Variants in TKT observed in about 807,000 individuals in gnomAD.
The protein encoded by TKT is epididymis luminal protein 107.
A neutral mutation model predicts 63.9 loss-of-function variants in TKT; 47 were observed. That is an observed-to-expected ratio of 0.74 (90% CI 0.58 to 0.94). TKT has a LOEUF of 0.94. Ranked by LOEUF, TKT falls within the 40% of genes least tolerant of loss-of-function variation. The pLI is 0.00. For synonymous variants in TKT, 338 were observed against 334.1 expected, an observed-to-expected ratio of 1.01 and a Z score of -0.13; for missense variants, 721 against 846.2, an observed-to-expected ratio of 0.85 and a Z score of 1.84.
chr3:53,242,371 C>T (rs1705320831), intron 1 of TKT, 129 bp from the exon 2 acceptor site: 3 of 868,096 alleles, frequency 3.5e-6, no homozygotes, highest in Non-Finnish European at 5.6e-6. Context: ...ATCAGACAGC[C>T]ACGAGCTCTT....
chr3:53,228,026 T>C (rs1553675944), intron 12 of TKT, 30 bp downstream of exon 12: 2 of 1,603,234 alleles, frequency 1.2e-6, no homozygotes, highest in Admixed American at 3.3e-5. Flanking sequence ...GGCCGCTCAG[T>C]TGATGACTTT....
chr3:53,227,915 T>C (rs7612011), intron 12 of TKT, 141 bp downstream of exon 12: 138,252 of 727,738 alleles, frequency 0.19, 14,235 homozygotes, highest in South Asian at 0.29. Flanking sequence ...CTATAATTGC[T>C]ATCATTATTT....
rs782016627 is a variant in TKT at position 53,229,113 on chromosome 3, G to C, written c.1289C>G (p.Ala430Gly). 1.7e-5 allele frequency: 28 copies of C among 1,614,034 alleles called. No homozygotes were observed. The highest frequency in any genetic ancestry group is 8.5e-6 in the Non-Finnish European group (10 of 1,180,026). Residue 430 changes from alanine to glycine, a missense_variant, in exon 10 of 14, where the codon GCC (alanine) becomes GGC (glycine). Coordinates refer to ENST00000462138, the MANE Select transcript of TKT (RefSeq NM_001064.4). The part of the protein sequence containing the change: ...SIGEDGPSQM[A>G]LEDLAMFRSV... ...CCGAAACATAGCCAGATCTTCTAGG[G>C]CCATCTGGGAGGGCCCGTCTTCCCC...
At chr3:53,252,151 G>T (rs919261807) in intron 1 of TKT, among the ~76,000 whole-genome samples, 1 of 152,124 alleles carries the variant, frequency 6.6e-6, no homozygotes, top group African/African-American at 2.4e-5. Flanking sequence ...AAAAGAAAAA[G>T]AACTGGATCA....
At chr3:53,242,504 G>A (rs1227837014) in intron 1 of TKT, among the ~76,000 whole-genome samples, 2 of 152,122 alleles carry the variant, frequency 1.3e-5, no homozygotes, top group Non-Finnish European at 2.9e-5. Context: ...TCAGAATCAC[G>A]GCAACTGAAA....
intron 2 of TKT, among the ~76,000 whole-genome samples, chr3:53,241,501 A>C (rs1553679863): frequency 2.0e-5 from 3 of 152,356 alleles, no homozygotes; most frequent in African/African-American, 4.8e-5. Flanking sequence ...GGCTGGACGA[A>C]GCCAAAACCC....
At position 53,240,406 on chromosome 3, in the gene TKT, G is replaced by A. The variant is rs566693295; in HGVS notation, c.340-58C>T. 190 of 1,514,628 alleles carry A rather than the reference G, an allele frequency of 1.3e-4. 1 individual carries two copies. The South Asian group carries it at 1.3e-3, about 11-fold the overall frequency. 93.8% of individuals were successfully genotyped at this position (1,514,628 alleles called of 1,614,324 possible). On this transcript the variant is annotated intron_variant, in intron 3 of 13. Transcript: ENST00000462138. ...AGGAGAAGGGATCCTGGTCTCACCC[G>A]CCTAGGGAGCCACACTCCCACCCAG...
chr3:53,231,417 G>A lies in TKT; in HGVS notation c.882C>T (p.Pro294=), dbSNP rs782656866. The change falls in exon 7 of 14, where the codon CCC becomes CCT. Residue 294 remains proline, a synonymous_variant. Coordinates refer to ENST00000462138, the MANE Select transcript of TKT (RefSeq NM_001064.4). ...ILATPPQEDA[P]SVDIANIRMP... ...TGCGGATGTTGGCAATGTCCACTGA[G>A]GGTGCGTCCTCCTGTGGAGGGGTTG... 1.2e-6 allele frequency: 2 copies of A among 1,614,004 alleles called. No homozygotes were observed. Among genetic ancestry groups the A allele is most frequent in the Non-Finnish European group, 1.7e-6 (2 of 1,180,040 alleles).
intron 1 of TKT, among the ~76,000 whole-genome samples, chr3:53,255,130 C>G (rs1219739530): frequency 6.6e-6 from 1 of 152,234 alleles, no homozygotes; most frequent in African/African-American, 2.4e-5. Context: ...CACGTGCCAC[C>G]GCCCTCCTCC....
In TKT at chr3:53,231,549, C is replaced by A. The variant is rs1553677098; in HGVS notation, c.750G>T (p.Gly250=). ...CATGCCAAGACTCCTTATCTTCTAC[C>A]CCTGCAGACCCAACACGGGAGGACA... The part of the protein sequence containing the change: ...AKTFKGRGIT[G]VEDKESWHGK... The change falls in exon 7 of 14, where the codon GGG becomes GGT. Residue 250 remains glycine, a splice_region_variant and synonymous_variant. Transcript: ENST00000462138. The A allele has an allele frequency of 6.2e-7, 1 of 1,612,974 alleles. No homozygotes were observed.
intron 1 of TKT, chr3:53,243,664 T>C (rs2106710627): frequency 2.2e-6 from 1 of 455,656 alleles, no homozygotes; most frequent in South Asian, 1.6e-5. Context: ...AGAAACCCTT[T>C]TCTGCCTGGC....
chr3:53,246,809 C>T (rs1705525883), intron 1 of TKT, among the ~76,000 whole-genome samples: 1 of 151,302 alleles, frequency 6.6e-6, no homozygotes, highest in African/African-American at 2.4e-5. Flanking sequence ...CGAGATGGCG[C>T]CATTGCACTC....
chr3:53,238,622 GC>G (rs1705136476), intron 4 of TKT, among the ~76,000 whole-genome samples: 2 of 152,180 alleles, frequency 1.3e-5, no homozygotes. Context: ...GCAGAACTGG[GC>G]CCTTCTCACA....
intron 1 of TKT, among the ~76,000 whole-genome samples, chr3:53,244,716 A>C (rs1553680607): frequency 6.6e-6 from 1 of 151,990 alleles, no homozygotes; most frequent in Non-Finnish European, 1.5e-5. Flanking sequence ...GCCATTCCAG[A>C]CTGCCTGCAC....
In TKT at chr3:53,234,980, T is replaced by A; in HGVS notation, c.629+3A>T. 8 of 1,610,032 alleles carry A rather than the reference T, an allele frequency of 5.0e-6. No individual in the cohort carries two copies. Among genetic ancestry groups the A allele is most frequent in the Non-Finnish European group, 6.8e-6 (8 of 1,177,684 alleles). On this transcript the variant is annotated splice_donor_region_variant and intron_variant, in intron 5 of 13. Coordinates refer to ENST00000462138, the MANE Select transcript of TKT (RefSeq NM_001064.4). ...CACACTCAGGCCACAGCCTCGTACA[T>A]ACCCGAAGGCCTCGCACCGCTTCTG...
chr3:53,241,996 G>A (rs1553679975), intron 2 of TKT, 129 bp downstream of exon 2: 12 of 818,488 alleles, frequency 1.5e-5, no homozygotes, highest in South Asian at 4.4e-5. Flanking sequence ...AGGCCAGGAC[G>A]AGCAGGGAGA....
Position 53,242,234 on chromosome 3 carries a change from G to T in TKT, c.116C>A (p.Thr39Lys). ...GATCTCTGCGGCGCTGCAGCATGAC[G>T]TGGGGTGGCTGTGGCCCAGGAGAGA... ...ATTAAGSGHP[T>K]SCCSAAEIMA... is the part of the protein sequence containing the mutation. The change falls in exon 2 of 14, where the codon ACG becomes AAG. Residue 39 changes from threonine to lysine, a missense_variant. Thr to Lys is a moderately conservative substitution (Grantham distance 78, BLOSUM62 -1). Transcript: ENST00000462138. The T allele has an allele frequency of 6.2e-7, 1 of 1,613,970 alleles. No homozygotes were observed. Among genetic ancestry groups the T allele is most frequent in the Non-Finnish European group, 8.5e-7 (1 of 1,179,964 alleles).
chr3:53,229,714 G>A (rs1475091115), intron 8 of TKT, among the ~76,000 whole-genome samples: 3 of 151,992 alleles, frequency 2.0e-5, no homozygotes, highest in African/African-American at 4.8e-5. Flanking sequence ...CAAACCAGCT[G>A]CCCTTCAAGG....
intron 10 of TKT, 180 bp downstream of exon 10, chr3:53,228,827 G>T: frequency 1.2e-6 from 1 of 830,006 alleles, no homozygotes; most frequent in Non-Finnish European, 1.9e-6. Flanking sequence ...TCTGCCACGT[G>T]GCAGTAAGTG....
Sources: gnomAD v4.1 joint callset for allele counts (sites outside exome capture counted in the v4.1 genomes callset) on GRCh38, gnomAD v4.1.1 for gene constraint, MANE v1.5 for transcripts, NCBI Gene and HGNC (gene_info 2026-07-23, HGNC 2026-07-21) for gene names.